Variants in DUSP1 observed in about 807,000 individuals in gnomAD.
DUSP1 encodes dual specificity phosphatase 1.
DUSP1 carries 10 observed loss-of-function variants against 27.4 expected under a neutral mutation model. The ratio of observed to expected loss-of-function variants is 0.37; its 90% CI spans 0.23 to 0.62. The LOEUF (loss-of-function observed/expected upper bound fraction) is 0.62, where lower values mean the gene tolerates loss of function less well. DUSP1 is among the 20% of genes least tolerant of loss of function. The probability of loss-of-function intolerance (pLI) is 0.68; values close to 1 mark genes in which losing one functional copy is unlikely to be tolerated. For missense variants in DUSP1, 425 were observed against 508.1 expected, an observed-to-expected ratio of 0.84 and a Z score of 1.57; for synonymous variants, 262 against 223.6, an observed-to-expected ratio of 1.17 and a Z score of -1.53.
At position 172,769,655 on chromosome 5, in the gene DUSP1, T is replaced by C. The variant is rs150874916; in HGVS notation, c.653A>G (p.Tyr218Cys). Residue 218 changes from tyrosine (Y) to cysteine (C), a missense_variant, in exon 3 of 4, where the codon TAC becomes TGC. Coordinates refer to ENST00000239223, the MANE Select transcript of DUSP1 (RefSeq NM_004417.4). ...ANCPNHFEGH[Y>C]QYKSIPVEDN... Reference sequence around the variant, plus strand: ...CTCCACAGGGATGCTCTTGTACTGGTAGTGACCCTCAAAATGGTTGGGACA... The same window carrying C: ...CTCCACAGGGATGCTCTTGTACTGGCAGTGACCCTCAAAATGGTTGGGACA... 6 of 1,614,112 alleles carry C rather than the reference T, an allele frequency of 3.7e-6. No individual in the cohort carries two copies. In the African/African-American group the frequency reaches 5.3e-5, roughly 14 times the overall value.
chr5:172,769,183 C>A, intron 3 of DUSP1, 51 bp from the exon 4 acceptor site: 2 of 1,558,920 alleles, frequency 1.3e-6, no homozygotes. Context: ...GAGAACCACC[C>A]CAAGCCCAGG....
At position 172,769,670 on chromosome 5, in the gene DUSP1, T is replaced by C. The variant is rs1339446977; in HGVS notation, c.638A>G (p.His213Arg). The C allele has an allele frequency of 1.9e-6, 3 of 1,614,236 alleles. No homozygotes were observed. Among genetic ancestry groups the C allele is most frequent in the Admixed American group, 1.7e-5 (1 of 60,028 alleles). ...CTTGTACTGGTAGTGACCCTCAAAA[T>C]GGTTGGGACAATTGGCTGAGACGTT... The part of the protein sequence containing the change: ...LINVSANCPN[H>R]FEGHYQYKSI... Residue 213 changes from histidine to arginine, a missense_variant, in exon 3 of 4, where the codon CAT (histidine) becomes CGT (arginine). By Grantham distance (29) the His-to-Arg change is conservative. This residue lies in a region of DUSP1 where 282 missense variants were observed against 319.3 expected (regional missense o/e 0.88). Coordinates refer to ENST00000239223, the MANE Select transcript of DUSP1 (RefSeq NM_004417.4).
At position 172,771,080 on chromosome 5, in the gene DUSP1, C is replaced by A; in HGVS notation, c.-128G>T. ...GGGTCTCTCTGCGCCGAACCAAAAG[C>A]CGCTTTTGGACTGAGAGAGGAGCGT... On this transcript the variant is annotated 5_prime_UTR_variant, in exon 1 of 4. Coordinates refer to ENST00000239223, the MANE Select transcript of DUSP1 (RefSeq NM_004417.4). The A allele has an allele frequency of 8.0e-7, 1 of 1,253,602 alleles. No individual in the cohort carries two copies. Among genetic ancestry groups the A allele is most frequent in the Non-Finnish European group, 1.0e-6 (1 of 983,494 alleles). The allele number at this position is 1,253,602 out of a possible 1,614,324, so 77.7% of individuals were successfully genotyped here. A position where few individuals can be genotyped will look rare whatever the true frequency, so the allele number is the denominator to read the frequency against.
At chr5:172,770,409 G>A (rs902628028) in intron 1 of DUSP1, 103 bp from the exon 2 acceptor site, 55 of 1,567,190 alleles carry the variant, frequency 3.5e-5, no homozygotes, top group Non-Finnish European at 4.6e-5. Context: ...ACATCGGAAA[G>A]GCCCAGGCAA....
In DUSP1 at chr5:172,768,673, C is replaced by T; in HGVS notation, c.*89G>A. 7.0e-7 allele frequency: 1 copy of T among 1,436,982 alleles called. No individual in the cohort carries two copies. Among genetic ancestry groups the T allele is most frequent in the Non-Finnish European group, 9.2e-7 (1 of 1,091,084 alleles). 89.0% of individuals were successfully genotyped at this position (1,436,982 alleles called of 1,614,324 possible). On this transcript the variant is annotated 3_prime_UTR_variant, in exon 4 of 4. Coordinates refer to ENST00000239223, the MANE Select transcript of DUSP1 (RefSeq NM_004417.4). ...AGTTAAATAAATAAGGACCAGCCCT[C>T]TCGAGCCCCTCCCAGAGTTATTGCA...
chr5:172,771,049 A>C lies in DUSP1; in HGVS notation c.-97T>G. The stretch of plus-strand genomic sequence containing the variant: ...GCGGCGCTTTTCGAGGAAAAGCTAG[A>C]CCCCCGGGTCTCTCTGCGCCGAACC... On this transcript the variant is annotated 5_prime_UTR_variant, in exon 1 of 4. Coordinates refer to ENST00000239223, the MANE Select transcript of DUSP1 (RefSeq NM_004417.4). 2.3e-6 allele frequency: 3 copies of C among 1,313,014 alleles called. No homozygotes were observed. Among genetic ancestry groups the C allele is most frequent in the Non-Finnish European group, 2.9e-6 (3 of 1,028,364 alleles). 81.3% of individuals were successfully genotyped at this position (1,313,014 alleles called of 1,614,324 possible). A position where few individuals can be genotyped will look rare whatever the true frequency, so the allele number is the denominator to read the frequency against.
In DUSP1 at chr5:172,768,912, C is replaced by A. The variant is rs748175042; in HGVS notation, c.954G>T (p.Ser318=). Residue 318 remains serine (S), a synonymous_variant, in exon 4 of 4, where the codon TCG becomes TCT. Transcript: ENST00000239223. ...FESQVLAPHC[S]AEAGSPAMAV... is the part of the protein sequence containing the mutation. Reference sequence around the variant, plus strand: ...CCATGGCGGGGCTCCCAGCCTCTGCCGAACAGTGCGGAGCCAGCACCTGGG... The same window carrying A: ...CCATGGCGGGGCTCCCAGCCTCTGCAGAACAGTGCGGAGCCAGCACCTGGG... The A allele has an allele frequency of 1.7e-5, 28 of 1,613,552 alleles. 1 individual carries two copies. In the South Asian group the frequency reaches 3.1e-4, roughly 18 times the overall value.
rs781436876 is a variant in DUSP1, at chr5:172,768,909, T to G, written c.957A>C (p.Ala319=). The change falls in exon 4 of 4, where the codon GCA becomes GCC. Residue 319 remains alanine (A), a synonymous_variant. Coordinates refer to ENST00000239223, the MANE Select transcript of DUSP1 (RefSeq NM_004417.4). ...ESQVLAPHCS[A]EAGSPAMAVL... is the part of the protein sequence containing the mutation. ...CAGCCATGGCGGGGCTCCCAGCCTC[T>G]GCCGAACAGTGCGGAGCCAGCACCT... 6.2e-7 allele frequency: 1 copy of G among 1,613,702 alleles called. No homozygotes were observed. Among genetic ancestry groups the G allele is most frequent in the South Asian group, 1.1e-5 (1 of 91,050 alleles).
chr5:172,768,685 C>G lies in DUSP1; in HGVS notation c.*77G>C. On this transcript the variant is annotated 3_prime_UTR_variant, in exon 4 of 4. Coordinates refer to ENST00000239223, the MANE Select transcript of DUSP1 (RefSeq NM_004417.4). ...AAGGACCAGCCCTCTCGAGCCCCTC[C>G]CAGAGTTATTGCATTTCTCCTCTCA... 6.9e-7 allele frequency: 1 copy of G among 1,456,452 alleles called. No individual in the cohort carries two copies. Among genetic ancestry groups the G allele is most frequent in the Non-Finnish European group, 9.1e-7 (1 of 1,101,664 alleles). 90.2% of individuals were successfully genotyped at this position (1,456,452 alleles called of 1,614,324 possible). A position where few individuals can be genotyped will look rare whatever the true frequency, so the allele number is the denominator to read the frequency against.
In DUSP1 at chr5:172,768,859, G is replaced by T. The variant is rs538360202; in HGVS notation, c.1007C>A (p.Thr336Asn). 1.2e-6 allele frequency: 2 copies of T among 1,607,634 alleles called. No homozygotes were observed. The highest frequency in any genetic ancestry group is 2.2e-5 in the South Asian group (2 of 90,102). ...GGAGACGGGGAAGTTGAACACGGTG[G>T]TGGTGGAGGTGCCTCGGTCGAGCAC... ...MAVLDRGTST[T>N]TVFNFPVSIP... is the part of the protein sequence containing the mutation. The change falls in exon 4 of 4, where the codon ACC becomes AAC. Residue 336 changes from threonine (T) to asparagine (N), a missense_variant. By Grantham distance (65) the Thr-to-Asn change is moderately conservative (BLOSUM62 0). Around this residue, in one of 3 missense-constraint regions of DUSP1, gnomAD observed 84 missense variants for 80.5 expected, o/e 1.04. Transcript: ENST00000239223.
Position 172,768,773 on chromosome 5 carries a change from G to A in DUSP1, c.1093C>T (p.Pro365Ser), listed in dbSNP as rs376607103. Residue 365 changes from proline (P) to serine (S), a missense_variant, in exon 4 of 4, where the codon CCC becomes TCC. Transcript: ENST00000239223. Reference protein sequence around the residue: ...SYLQSPITTSPSC With the variant: ...SYLQSPITTSSSC ...CCTCCCGTGGCCTTTCAGCAGCTGG[G>A]AGAGGTCGTAATGGGGCTCTGAAGG... The A allele has an allele frequency of 1.3e-6, 2 of 1,515,024 alleles. No individual in the cohort carries two copies. Among genetic ancestry groups the A allele is most frequent in the Non-Finnish European group, 1.8e-6 (2 of 1,130,492 alleles). 93.8% of individuals were successfully genotyped at this position (1,515,024 alleles called of 1,614,324 possible).
intron 1 of DUSP1, 26 bp downstream of exon 1, chr5:172,770,560 C>G: frequency 2.0e-5 from 28 of 1,410,912 alleles, no homozygotes; most frequent in Non-Finnish European, 2.6e-5. Context: ...GTGTGCGGCC[C>G]GCCCCGAGCT....
Position 172,768,782 on chromosome 5 carries a change from T to G in DUSP1, c.1084A>C (p.Thr362Pro). ...SALSYLQSPI[T>P]TSPSC ...GCCTTTCAGCAGCTGGGAGAGGTCGTAATGGGGCTCTGAAGGTAGCTCAGC... is the reference window on the plus strand; with the variant it reads ...GCCTTTCAGCAGCTGGGAGAGGTCGGAATGGGGCTCTGAAGGTAGCTCAGC... Residue 362 changes from threonine to proline, a missense_variant, in exon 4 of 4, where the codon ACG (threonine) becomes CCG (proline). Thr to Pro is a conservative substitution (Grantham distance 38). Coordinates refer to ENST00000239223, the MANE Select transcript of DUSP1 (RefSeq NM_004417.4). 6.6e-7 allele frequency: 1 copy of G among 1,524,198 alleles called. No homozygotes were observed. Among genetic ancestry groups the G allele is most frequent in the Non-Finnish European group, 8.8e-7 (1 of 1,134,334 alleles). 94.4% of individuals were successfully genotyped at this position (1,524,198 alleles called of 1,614,324 possible).
chr5:172,769,074 C>T lies in DUSP1; in HGVS notation c.792G>A (p.Arg264=), dbSNP rs1759838396. ...GGTAAGCAAGGCAGATGGTGGCTGA[C>T]CGGGAAATGCCTGCCTGGCAGTGGA... ...VFVHCQAGIS[R]SATICLAYLM... Residue 264 remains arginine, a synonymous_variant, in exon 4 of 4, where the codon CGG becomes CGA. Transcript: ENST00000239223. The T allele has an allele frequency of 1.9e-6, 3 of 1,613,820 alleles. No homozygotes were observed. The highest frequency in any genetic ancestry group is 2.5e-6 in the Non-Finnish European group (3 of 1,180,014).
Position 172,769,569 on chromosome 5 carries a change from A to G in DUSP1, c.733+6T>C, listed in dbSNP as rs1759848855. 6.2e-7 allele frequency: 1 copy of G among 1,614,168 alleles called. No homozygotes were observed. The highest frequency in any genetic ancestry group is 8.5e-7 in the Non-Finnish European group (1 of 1,179,990). ...CAGAAAAGCCCCAGGCATCCATTCC[A>G]TTTACCTATGAAGTCAATGGCCTCG... On this transcript the variant is annotated splice_donor_region_variant and intron_variant, in intron 3 of 3. Transcript: ENST00000239223.
Position 172,771,136 on chromosome 5 carries a change from C to T in DUSP1, c.-184G>A, listed in dbSNP as rs1759890484. ...GGGGCTCCGGGCTCCTCGGCTTCTT[C>T]GCGGTTCCCCCGACTGCCCCTCCGA... On this transcript the variant is annotated 5_prime_UTR_variant, in exon 1 of 4. Transcript: ENST00000239223. 1.2e-6 allele frequency: 1 copy of T among 808,724 alleles called. No homozygotes were observed. Among genetic ancestry groups the T allele is most frequent in the Non-Finnish European group, 1.7e-6 (1 of 585,832 alleles). The allele number at this position is 808,724 out of a possible 1,614,324, so 50.1% of individuals were successfully genotyped here. A position where few individuals can be genotyped will look rare whatever the true frequency, so the allele number is the denominator to read the frequency against.
chr5:172,770,983 C>T lies in DUSP1; in HGVS notation c.-31G>A, dbSNP rs115073028. ...GCCTCAGCGCCCCCAGCGTGATCGGCCCTGCGGTGCTCTTTGTCTGTTCTC... is the reference window on the plus strand; with the variant it reads ...GCCTCAGCGCCCCCAGCGTGATCGGTCCTGCGGTGCTCTTTGTCTGTTCTC... On this transcript the variant is annotated 5_prime_UTR_variant, in exon 1 of 4. Transcript: ENST00000239223. 2.5e-4 allele frequency: 354 copies of T among 1,390,382 alleles called. 3 individuals are homozygous for T. In the African/African-American group the frequency reaches 4.8e-3, roughly 19 times the overall value. 86.1% of individuals were successfully genotyped at this position (1,390,382 alleles called of 1,614,324 possible).
At position 172,770,191 on chromosome 5, in the gene DUSP1, G is replaced by A; in HGVS notation, c.483C>T (p.Cys161=). Residue 161 remains cysteine, a synonymous_variant, in exon 2 of 4, where the codon TGC becomes TGT. Transcript: ENST00000239223. Reference sequence around the variant, plus strand: ...CGTAGAGTGGGGTACTGCAGGAACTGCACCCAGATTCCGCGCTGTCAGGGA... The same window carrying A: ...CGTAGAGTGGGGTACTGCAGGAACTACACCCAGATTCCGCGCTGTCAGGGA... ...TSVPDSAESG[C]SSCSTPLYDQ... is the part of the protein sequence containing the mutation. 2 of 1,595,920 alleles carry A rather than the reference G, an allele frequency of 1.3e-6. No individual in the cohort carries two copies. The highest frequency in any genetic ancestry group is 1.7e-6 in the Non-Finnish European group (2 of 1,174,278).
Position 172,770,152 on chromosome 5 carries a change from CCTA to C in DUSP1, c.513+6_513+8del, listed in dbSNP as rs772296622. 1.3e-6 allele frequency: 2 copies of C among 1,562,166 alleles called. No homozygotes were observed. The highest frequency in any genetic ancestry group is 2.4e-5 in the South Asian group (2 of 83,094). On this transcript the variant is annotated splice_donor_region_variant and intron_variant, in intron 2 of 3. Transcript: ENST00000239223. Reference sequence around the variant, plus strand: ...TTACTTCTTCCCTGTGGCAGGGACACCTACTAACCTGATCGTAGAGTGGGGTAC... The same window carrying C: ...TTACTTCTTCCCTGTGGCAGGGACACCTAACCTGATCGTAGAGTGGGGTAC...
Sources: allele counts gnomAD v4.1 joint callset, GRCh38; gene constraint gnomAD v4.1.1; regional missense constraint gnomAD v4.1.1; transcripts MANE v1.5; gene names NCBI Gene and HGNC (gene_info 2026-07-23, HGNC 2026-07-21).